PKHD1: variants seen among roughly 807,000 people sequenced by gnomAD.
PKHD1 encodes fibrocystin.
A neutral mutation model predicts 412.0 loss-of-function variants in PKHD1; 291 were observed. The ratio of observed to expected loss-of-function variants is 0.71; its 90% CI spans 0.64 to 0.78. The LOEUF (loss-of-function observed/expected upper bound fraction) is 0.78, where lower values mean the gene tolerates loss of function less well. Among genes scored for constraint, PKHD1 ranks in the 30% least tolerant of loss-of-function variants. PKHD1 has a pLI of 0.00. For synonymous variants in PKHD1, 1,777 were observed against 1,821.5 expected (o/e 0.98, Z 0.62); for missense variants, 4,825 against 4,950.7 (o/e 0.97, Z 0.76).
Position 51,889,020 on chromosome 6 carries a change from T to C in PKHD1, c.6997-1775A>G, listed in dbSNP as rs1778679503. Among the ~76,000 whole-genome samples, 4 of 152,018 alleles carry C rather than the reference T, an allele frequency of 2.6e-5. No homozygotes were observed. The South Asian group carries it at 8.3e-4, about 32-fold the overall frequency. The stretch of plus-strand genomic sequence containing the variant: ...TGTCCAAAGTCAAGATGCCCATGTC[T>C]ACCTGGAGAACAGAAGTTAAGGAAT... On this transcript the variant is annotated intron_variant, in intron 43 of 66. Transcript: ENST00000371117.
At chr6:51,965,383 T>C (rs1270479581) in intron 35 of PKHD1, among the ~76,000 whole-genome samples, 1 of 152,250 alleles carries the variant, frequency 6.6e-6, no homozygotes, top group Non-Finnish European at 1.5e-5. Flanking sequence ...TGACACAGGC[T>C]GAGATTATTT....
chr6:51,709,849 A>ATTTTTTT (rs10636108), intron 60 of PKHD1, among the ~76,000 whole-genome samples: 1 of 142,326 alleles, frequency 7.0e-6, no homozygotes. Context: ...TGCTTTAGTC[A>ATTTTTTT]TTTTTTTTTT....
At chr6:51,798,386 T>A (rs1582756215) in intron 52 of PKHD1, among the ~76,000 whole-genome samples, 1 of 143,778 alleles carries the variant, frequency 7.0e-6, no homozygotes, top group South Asian at 2.3e-4. Flanking sequence ...TCAAAAAAAA[T>A]AAGAAAGAAA....
chr6:51,654,869 C>T (rs1275693147), intron 61 of PKHD1, among the ~76,000 whole-genome samples: 1 of 152,030 alleles, frequency 6.6e-6, no homozygotes, highest in African/African-American at 2.4e-5. Context: ...TACATTATTT[C>T]CCATTGAATA....
In PKHD1 at chr6:51,618,504, T is replaced by C. The variant is rs1410052606; in HGVS notation, c.*577A>G. On this transcript the variant is annotated 3_prime_UTR_variant, in exon 67 of 67. Transcript: ENST00000371117. ...TCACACTACTGTAGGTTCTCAATAA[T>C]GATTGAATTTAAACCATGAAATAAA... The C allele has an allele frequency of 1.2e-5, 2 of 167,174 alleles. No individual in the cohort carries two copies. Among genetic ancestry groups the C allele is most frequent in the South Asian group, 1.5e-4 (1 of 6,718 alleles). The allele number at this position is 167,174 out of a possible 1,614,324, so 10.4% of individuals were successfully genotyped here.
At position 52,047,418 on chromosome 6, in the gene PKHD1, C is replaced by A. The variant is rs531428643; in HGVS notation, c.2407+1074G>T. Among the ~76,000 whole-genome samples the A allele has an allele frequency of 8.5e-5, 13 of 152,244 alleles. No homozygotes were observed. The South Asian group carries it at 2.7e-3, about 32-fold the overall frequency. ...TTGGGAGGGCAAAAGACTTTTGGAC[C>A]ATGTTCCAACTTTTATACAGCCCCT... On this transcript the variant is annotated intron_variant, in intron 23 of 66. Coordinates refer to ENST00000371117, the MANE Select transcript of PKHD1 (RefSeq NM_138694.4).
chr6:51,703,874 T>C (rs1332862535), intron 60 of PKHD1, among the ~76,000 whole-genome samples: 2 of 152,166 alleles, frequency 1.3e-5, no homozygotes, highest in South Asian at 4.1e-4. Context: ...GGAAAGCTCA[T>C]CTGGAAATAA....
At chr6:52,045,937 A>ATTTT in intron 24 of PKHD1, 67 bp downstream of exon 24, 1 of 882,032 alleles carries the variant, frequency 1.1e-6, no homozygotes, top group Non-Finnish European at 1.8e-6. Context: ...TATAATTCTG[A>ATTTT]TTTTTTTTTT....
Position 51,638,799 on chromosome 6 carries a change from C to CAAAAAAAAAAAAAAAAAAAAA in PKHD1, c.11506+49_11506+50insTTTTTTTTTTTTTTTTTTTTT. On this transcript the variant is annotated intron_variant, in intron 64 of 66. Coordinates refer to ENST00000371117, the MANE Select transcript of PKHD1 (RefSeq NM_138694.4). ...TATAAGGGAGAAAGGATTATCTTCTCAAAAAAAAAAAAAAAAAACACAGAA... is the reference window on the plus strand; with the variant it reads ...TATAAGGGAGAAAGGATTATCTTCTCAAAAAAAAAAAAAAAAAAAAAAAAAAAAAAAAAAAAAAACACAGAA... The CAAAAAAAAAAAAAAAAAAAAA allele has an allele frequency of 5.9e-6, 5 of 847,884 alleles. No individual in the cohort carries two copies. The East Asian group carries it at 8.0e-5, about 14-fold the overall frequency. The allele number at this position is 847,884 out of a possible 1,614,324, so 52.5% of individuals were successfully genotyped here.
chr6:51,652,318 G>A (rs939141118), intron 61 of PKHD1, among the ~76,000 whole-genome samples: 6 of 152,058 alleles, frequency 3.9e-5, no homozygotes, highest in African/African-American at 1.4e-4. Context: ...GATCTGAAAT[G>A]TTTACCCTGT....
intron 37 of PKHD1, among the ~76,000 whole-genome samples, chr6:51,914,836 G>A (rs558399767): frequency 2.0e-5 from 3 of 151,986 alleles, no homozygotes; most frequent in South Asian, 2.1e-4. Flanking sequence ...CGTCCTTTCC[G>A]CTCATGTCCT....
intron 60 of PKHD1, among the ~76,000 whole-genome samples, chr6:51,725,260 AT>A (rs1427413710): frequency 2.0e-5 from 3 of 152,192 alleles, no homozygotes; most frequent in African/African-American, 7.2e-5. Flanking sequence ...CGTATCTGGA[AT>A]AAGGCCTCTG....
chr6:52,024,464 C>T, intron 32 of PKHD1, 110 bp downstream of exon 32: 1 of 1,050,196 alleles, frequency 9.5e-7, no homozygotes, highest in Non-Finnish European at 1.5e-6. Context: ...CAGTGGGCTT[C>T]TCTTTCCTTC....
chr6:52,063,581 T>C (rs574904231), intron 13 of PKHD1, among the ~76,000 whole-genome samples: 4 of 152,360 alleles, frequency 2.6e-5, no homozygotes, highest in African/African-American at 7.2e-5. Flanking sequence ...AAAATATTAC[T>C]TTAAACCAGG....
At chr6:51,833,933 A>T (rs866216615) in intron 51 of PKHD1, among the ~76,000 whole-genome samples, 1 of 152,196 alleles carries the variant, frequency 6.6e-6, no homozygotes, top group African/African-American at 2.4e-5. Context: ...CTGGACCAAC[A>T]CTCCTGATGA....
intron 49 of PKHD1, among the ~76,000 whole-genome samples, chr6:51,853,174 T>G (rs1350659066): frequency 6.6e-6 from 1 of 152,210 alleles, no homozygotes; most frequent in African/African-American, 2.4e-5. Context: ...GAAACTTAGT[T>G]TGGCTGGATA....
chr6:52,072,164 C>T lies in PKHD1; in HGVS notation c.553G>A (p.Asp185Asn). 1.2e-6 allele frequency: 2 copies of T among 1,609,338 alleles called. No individual in the cohort carries two copies. Among genetic ancestry groups the T allele is most frequent in the South Asian group, 1.1e-5 (1 of 90,994 alleles). Residue 185 changes from aspartate to asparagine, a missense_variant, in exon 8 of 67, where the codon GAC becomes AAC. Asp to Asn is a conservative substitution (Grantham distance 23). Transcript: ENST00000371117. ...AGAGAGCAAGGAGTAACCCATTTGT[C>T]TCCTTGAGCTTCCAAGATCACTGGG... ...DSPVILEAQGDKWVTPCSLIN... is the reference protein window; with the variant it reads ...DSPVILEAQGNKWVTPCSLIN...
At chr6:51,866,182 G>A (rs1039735525) in intron 48 of PKHD1, among the ~76,000 whole-genome samples, 1 of 152,088 alleles carries the variant, frequency 6.6e-6, no homozygotes, top group African/African-American at 2.4e-5. Context: ...GAGACTTCCA[G>A]GTGACTAATT....
intron 35 of PKHD1, among the ~76,000 whole-genome samples, chr6:51,960,474 T>A (rs1470996356): frequency 6.6e-6 from 1 of 152,160 alleles, no homozygotes; most frequent in Non-Finnish European, 1.5e-5. Context: ...ATAGGGAGAA[T>A]TAAAATGTTC....
Sources: gnomAD v4.1 joint callset for allele counts (sites outside exome capture counted in the v4.1 genomes callset) on GRCh38, gnomAD v4.1.1 for gene constraint, MANE v1.5 for transcripts, NCBI Gene and HGNC (gene_info 2026-07-23, HGNC 2026-07-21) for gene names.